Variants in EIF5 observed in about 807,000 individuals in gnomAD.
EIF5 encodes eukaryotic translation initiation factor 5.
EIF5 carries 10 observed loss-of-function variants against 48.3 expected under a neutral mutation model. The ratio of observed to expected loss-of-function variants is 0.21; its 90% CI spans 0.13 to 0.35. EIF5 has a LOEUF of 0.35. Among genes scored for constraint, EIF5 ranks in the 10% least tolerant of loss-of-function variants. The pLI is 1.00. For synonymous variants in EIF5, 237 were observed against 173.1 expected, an observed-to-expected ratio of 1.37 and a Z score of -2.90; for missense variants, 397 against 533.2, an observed-to-expected ratio of 0.74 and a Z score of 2.51.
chr14:103,335,999 G>A (rs1298920990), intron 3 of EIF5, 37 bp from the exon 4 acceptor site: 1 of 1,613,730 alleles, frequency 6.2e-7, no homozygotes, highest in South Asian at 1.1e-5. Context: ...GCATTTGTCA[G>A]GGGAAACTGC....
At chr14:103,339,439 A>G (rs2089327361) in intron 9 of EIF5, 106 bp downstream of exon 9, 1 of 1,465,334 alleles carries the variant, frequency 6.8e-7, no homozygotes, top group African/African-American at 1.4e-5. Flanking sequence ...AAGTGGGGAA[A>G]TTGACCCACC....
At position 103,341,774 on chromosome 14, in the gene EIF5, ATG is replaced by A. The variant is rs2089355409; in HGVS notation, c.*723_*724del. ...TGAAGTCGTGTGCATTGCACGTTGG[ATG>A]AGCCAGGGAAATTATTACATTAACA... On this transcript the variant is annotated 3_prime_UTR_variant, in exon 12 of 12. Transcript: ENST00000216554. The A allele has an allele frequency of 6.6e-6, 1 of 152,534 alleles. No homozygotes were observed. Among genetic ancestry groups the A allele is most frequent in the South Asian group, 2.1e-4 (1 of 4,838 alleles). 9.4% of individuals were successfully genotyped at this position (152,534 alleles called of 1,614,324 possible).
Position 103,336,793 on chromosome 14 carries a change from G to A in EIF5, c.271G>A (p.Gly91Arg), listed in dbSNP as rs1055940442. ...GAATAAGCTGCAAGACATGTTGGAT[G>A]GATTCATTAAAAAATTTGTTCTCTG... is the stretch of plus-strand genomic sequence containing the variant. ...EANKLQDMLDGFIKKFVLCPE... is the reference protein window; with the variant it reads ...EANKLQDMLDRFIKKFVLCPE... The change falls in exon 5 of 12, where the codon GGA becomes AGA. Residue 91 changes from glycine to arginine, a missense_variant. By Grantham distance (125) the Gly-to-Arg change is moderately radical. This residue lies in a region of EIF5 where 108 missense variants were observed against 188.3 expected (regional missense o/e 0.57). Transcript: ENST00000216554. 6.2e-7 allele frequency: 1 copy of A among 1,613,914 alleles called. No homozygotes were observed. The highest frequency in any genetic ancestry group is 1.3e-5 in the African/African-American group (1 of 74,888).
intron 7 of EIF5, 99 bp downstream of exon 7, chr14:103,338,571 G>GT: frequency 3.3e-6 from 5 of 1,496,676 alleles, no homozygotes; most frequent in Admixed American, 4.8e-5. Flanking sequence ...CCTTCAGTGT[G>GT]TAATACACTA....
At position 103,335,832 on chromosome 14, in the gene EIF5, C is replaced by G. The variant is rs1180140675; in HGVS notation, c.-29C>G. 6.2e-7 allele frequency: 1 copy of G among 1,610,860 alleles called. No homozygotes were observed. Among genetic ancestry groups the G allele is most frequent in the Non-Finnish European group, 8.5e-7 (1 of 1,177,938 alleles). On this transcript the variant is annotated 5_prime_UTR_variant, in exon 3 of 12. The change creates a new upstream start codon in the 5' untranslated region. Coordinates refer to ENST00000216554, the MANE Select transcript of EIF5 (RefSeq NM_001969.5). ...AAGTTGCAATCAAAGATCTCTTCAT[C>G]TTATTGATAAAGCCACTAATAAGCC...
At chr14:103,337,832 T>C (rs781658399) in intron 6 of EIF5, 2 of 509,798 alleles carry the variant, frequency 3.9e-6, no homozygotes, top group East Asian at 1.1e-4. Flanking sequence ...GCCCCCTTCA[T>C]TAAACTTGAA....
chr14:103,338,686 G>T (rs934405166), intron 7 of EIF5, 49 bp from the exon 8 acceptor site: 2 of 1,585,468 alleles, frequency 1.3e-6, no homozygotes, highest in East Asian at 2.2e-5. Context: ...GAACCTTTTT[G>T]TTGTTGTTTT....
At position 103,341,181 on chromosome 14, in the gene EIF5, T is replaced by C. The variant is rs1443225800; in HGVS notation, c.*129T>C. ...CATGCTACACTTTACACTAAAAATC[T>C]ATTACTGTGAGTGGTCTGTTATTAA... On this transcript the variant is annotated 3_prime_UTR_variant, in exon 12 of 12. Coordinates refer to ENST00000216554, the MANE Select transcript of EIF5 (RefSeq NM_001969.5). The C allele has an allele frequency of 1.3e-6, 1 of 775,826 alleles. No homozygotes were observed. Among genetic ancestry groups the C allele is most frequent in the East Asian group, 2.6e-5 (1 of 37,742 alleles). 48.1% of individuals were successfully genotyped at this position (775,826 alleles called of 1,614,324 possible).
chr14:103,335,894 C>G lies in EIF5; in HGVS notation c.34C>G (p.Gln12Glu). ...SVNVNRSVSD[Q>E]FYRYKMPRLI... ...CAATGTCAACCGCAGCGTGTCAGAC[C>G]AGTTCTATCGCTACAAGATGCCCCG... Residue 12 changes from glutamine (Q) to glutamate (E), a missense_variant, in exon 3 of 12, where the codon CAG becomes GAG. Gln to Glu is a conservative substitution (Grantham distance 29). Around this residue, in one of 4 missense-constraint regions of EIF5, gnomAD observed 108 missense variants for 188.3 expected, o/e 0.57. Coordinates refer to ENST00000216554, the MANE Select transcript of EIF5 (RefSeq NM_001969.5). The G allele has an allele frequency of 6.2e-7, 1 of 1,614,152 alleles. No homozygotes were observed. The highest frequency in any genetic ancestry group is 8.5e-7 in the Non-Finnish European group (1 of 1,180,022).
At chr14:103,339,857 T>G (rs2089332643) in intron 10 of EIF5, 54 bp downstream of exon 10, 4 of 1,565,674 alleles carry the variant, frequency 2.6e-6, no homozygotes, top group African/African-American at 1.4e-5. Flanking sequence ...GGGGTTTTTT[T>G]GTTTGGTTGA....
intron 7 of EIF5, 46 bp downstream of exon 7, chr14:103,338,518 G>A (rs1215961262): frequency 1.3e-6 from 2 of 1,535,380 alleles, no homozygotes; most frequent in Non-Finnish European, 1.8e-6. Context: ...GTTGTGTAAA[G>A]TATATGGCAT....
chr14:103,339,246 A>G lies in EIF5; in HGVS notation c.819A>G (p.Lys273=). The G allele has an allele frequency of 4.3e-6, 7 of 1,613,508 alleles. No homozygotes were observed. Among genetic ancestry groups the G allele is most frequent in the Non-Finnish European group, 5.9e-6 (7 of 1,179,882 alleles). Residue 273 remains lysine (K), a synonymous_variant, in exon 9 of 12, where the codon AAA becomes AAG. Transcript: ENST00000216554. ...CTGAAGCAGAAAGACTGGATGTAAA[A>G]GCCATGGGCCCTCTTGTTCTAACTG... The part of the protein sequence containing the change: ...IVAEAERLDV[K]AMGPLVLTEV...
intron 6 of EIF5, 103 bp from the exon 7 acceptor site, chr14:103,338,224 G>A: frequency 1.3e-6 from 2 of 1,504,360 alleles, no homozygotes; most frequent in East Asian, 2.3e-5. Flanking sequence ...GTTTTTCTGA[G>A]GGGATCCATA....
chr14:103,335,781 T>C lies in EIF5; in HGVS notation c.-80T>C. The C allele has an allele frequency of 7.2e-7, 1 of 1,393,496 alleles. No homozygotes were observed. Among genetic ancestry groups the C allele is most frequent in the Non-Finnish European group, 1.0e-6 (1 of 994,074 alleles). The allele number at this position is 1,393,496 out of a possible 1,614,324, so 86.3% of individuals were successfully genotyped here. Reference sequence around the variant, plus strand: ...CTCTTGCAGTCGTTTATGTCATCCCTTCTTCTCCAGACAGAAGATACCAAA... The same window carrying C: ...CTCTTGCAGTCGTTTATGTCATCCCCTCTTCTCCAGACAGAAGATACCAAA... On this transcript the variant is annotated 5_prime_UTR_variant, in exon 3 of 12. Coordinates refer to ENST00000216554, the MANE Select transcript of EIF5 (RefSeq NM_001969.5).
At chr14:103,337,995 C>G (rs1425255774) in intron 6 of EIF5, 2 of 553,482 alleles carry the variant, frequency 3.6e-6, no homozygotes, top group Non-Finnish European at 7.0e-6. Context: ...TTGGCTAAAG[C>G]TGGGTTGAGT....
intron 4 of EIF5, chr14:103,336,431 A>G: frequency 1.8e-6 from 1 of 554,350 alleles, no homozygotes; most frequent in Non-Finnish European, 3.2e-6. Context: ...TAATACAAAA[A>G]TTAGCCAGGC....
In EIF5 at chr14:103,341,199, G is replaced by A. The variant is rs2089349243; in HGVS notation, c.*147G>A. On this transcript the variant is annotated 3_prime_UTR_variant, in exon 12 of 12. Transcript: ENST00000216554. ...AAAAATCTATTACTGTGAGTGGTCT[G>A]TTATTAAGCCCAATGAGACATCTAG... 1 of 680,062 alleles carries A rather than the reference G, an allele frequency of 1.5e-6. No homozygotes were observed. Among genetic ancestry groups the A allele is most frequent in the Non-Finnish European group, 2.6e-6 (1 of 389,922 alleles). The allele number at this position is 680,062 out of a possible 1,614,324, so 42.1% of individuals were successfully genotyped here. A position where few individuals can be genotyped will look rare whatever the true frequency, so the allele number is the denominator to read the frequency against.
intron 6 of EIF5, chr14:103,337,963 G>A (rs1406709286): frequency 1.9e-6 from 1 of 537,158 alleles, no homozygotes; most frequent in East Asian, 5.1e-5. Flanking sequence ...CCGTTATATA[G>A]ACTTAAACAG....
intron 8 of EIF5, 124 bp downstream of exon 8, chr14:103,339,017 AT>A: frequency 6.7e-7 from 1 of 1,483,546 alleles, no homozygotes; most frequent in Non-Finnish European, 9.0e-7. Context: ...ACTCTTGTTC[AT>A]TTAAATATTT....
Sources: gnomAD v4.1 joint callset for allele counts on GRCh38, gnomAD v4.1.1 for gene constraint, gnomAD v4.1.1 regional missense constraint, MANE v1.5 for transcripts, NCBI Gene and HGNC (gene_info 2026-07-23, HGNC 2026-07-21) for gene names.